The following BCAS3 variants were observed in gnomAD, a reference collection of about 807,000 sequenced individuals.
BCAS3 encodes the protein BCAS3 microtubule associated cell migration factor.
Under a neutral mutation model 116.1 loss-of-function variants are expected in BCAS3, and 53 were observed. The observed-to-expected ratio is 0.46, with a 90% CI of 0.37 to 0.57. The LOEUF (loss-of-function observed/expected upper bound fraction) is 0.57, where lower values mean the gene tolerates loss of function less well. BCAS3 is among the 20% of genes least tolerant of loss of function. The pLI is 0.00. For missense variants in BCAS3, 917 were observed against 1,165.4 expected, an observed-to-expected ratio of 0.79 and a Z score of 3.10; for synonymous variants, 391 against 408.2, an observed-to-expected ratio of 0.96 and a Z score of 0.51.
At position 61,184,514 on chromosome 17, in the gene BCAS3, C is replaced by CA. The variant is rs202023595; in HGVS notation, c.2425+99954dup. 1.2e-3 allele frequency among the ~76,000 whole-genome samples: 185 copies of CA among 152,178 alleles called. 2 individuals carry two copies. In the East Asian group the frequency reaches 0.035, roughly 29 times the overall value. On this transcript the variant is annotated intron_variant, in intron 22 of 23. Coordinates refer to ENST00000407086, the MANE Select transcript of BCAS3 (RefSeq NM_017679.5). ...ACACTGTACATTGTTTTGGGGAATG[C>CA]AAAATGGTATGTCCACTTTTTAAAA...
At chr17:60,822,276 T>G (rs1253635246) in intron 7 of BCAS3, among the ~76,000 whole-genome samples, 1 of 152,212 alleles carries the variant, frequency 6.6e-6, no homozygotes, top group Admixed American at 6.5e-5. Context: ...TAAGTCTTTT[T>G]TATTTTAGCT....
rs1437060731 is a variant in BCAS3 at position 61,118,562 on chromosome 17, C to A, written c.2425+33998C>A. Among the ~76,000 whole-genome samples the A allele has an allele frequency of 6.6e-6, 1 of 152,202 alleles. No homozygotes were observed. The highest frequency in any genetic ancestry group is 2.4e-5 in the African/African-American group (1 of 41,452). On this transcript the variant is annotated intron_variant, in intron 22 of 23. Transcript: ENST00000407086. The surrounding 1 kb of genome is among the most constrained non-coding windows in gnomAD (Gnocchi z 5.0). ...ACACCACCCCTGTGGAGGTGTTGGGCACCTTGTCATAGCCTCTCAAGGGTG... is the reference window on the plus strand; with the variant it reads ...ACACCACCCCTGTGGAGGTGTTGGGAACCTTGTCATAGCCTCTCAAGGGTG...
chr17:60,708,030 A>G (rs73334308), intron 4 of BCAS3, among the ~76,000 whole-genome samples: 10,616 of 152,024 alleles, frequency 0.07, 1,225 homozygotes, highest in African/African-American at 0.24. Context: ...TGTTTTTTAG[A>G]AAAGTGTGTA....
At chr17:60,855,475 G>A (rs555121305) in intron 7 of BCAS3, among the ~76,000 whole-genome samples, 91 of 122,252 alleles carry the variant, frequency 7.4e-4, no homozygotes, top group Admixed American at 1.4e-3. Context: ...TTTTTTTTGA[G>A]GCAGAGTCTT....
chr17:61,218,904 C>A (rs1461621279), intron 22 of BCAS3, among the ~76,000 whole-genome samples: 2 of 152,078 alleles, frequency 1.3e-5, no homozygotes, highest in Admixed American at 6.6e-5. Flanking sequence ...ATAGGAGAAC[C>A]AAAAGAAAGA....
intron 14 of BCAS3, among the ~76,000 whole-genome samples, chr17:60,953,141 T>C (rs1308617665): frequency 6.6e-6 from 1 of 152,104 alleles, no homozygotes; most frequent in Non-Finnish European, 1.5e-5. Context: ...AGGAATGGGA[T>C]TGTGCTGGGT....
chr17:61,039,568 A>G (rs572683404), intron 18 of BCAS3, among the ~76,000 whole-genome samples: 8 of 152,140 alleles, frequency 5.3e-5, no homozygotes, highest in Non-Finnish European at 1.0e-4. Context: ...GACTACAGGC[A>G]CTAGCCACCA....
chr17:60,995,134 T>C lies in BCAS3; in HGVS notation c.1486+4899T>C, dbSNP rs185970086. 1.3e-5 allele frequency among the ~76,000 whole-genome samples: 2 copies of C among 152,080 alleles called. No homozygotes were observed. Among genetic ancestry groups the C allele is most frequent in the Non-Finnish European group, 2.9e-5 (2 of 67,988 alleles). ...CTGGGATTACAGGTGCGTGCCACCATGCCCAGCTAATTCTATTCTATTCTT... is the reference window on the plus strand; with the variant it reads ...CTGGGATTACAGGTGCGTGCCACCACGCCCAGCTAATTCTATTCTATTCTT... On this transcript the variant is annotated intron_variant, in intron 15 of 23. Coordinates refer to ENST00000407086, the MANE Select transcript of BCAS3 (RefSeq NM_017679.5). This position sits in a 1 kb window ranked among gnomAD's most constrained non-coding sequence, Gnocchi z 4.7.
intron 22 of BCAS3, among the ~76,000 whole-genome samples, chr17:61,157,017 T>C (rs1311004212): frequency 6.6e-6 from 1 of 152,186 alleles, no homozygotes; most frequent in Non-Finnish European, 1.5e-5. Context: ...AAAAAGCAAA[T>C]GTGGTTAATC....
At chr17:61,268,590 T>C (rs1436805639) in intron 22 of BCAS3, among the ~76,000 whole-genome samples, 2 of 152,086 alleles carry the variant, frequency 1.3e-5, no homozygotes, top group Non-Finnish European at 2.9e-5. Flanking sequence ...TTTTTGTTTT[T>C]TTTGTTTTTT....
chr17:60,726,346 A>G (rs796439551), intron 5 of BCAS3, among the ~76,000 whole-genome samples: 8 of 141,492 alleles, frequency 5.7e-5, no homozygotes, highest in African/African-American at 2.1e-4. Flanking sequence ...GATTACAGGC[A>G]TGCACCACCA....
In BCAS3 at chr17:61,198,904, A is replaced by G. The variant is rs1005032354; in HGVS notation, c.2425+114340A>G. Among the ~76,000 whole-genome samples, 8 of 152,230 alleles carry G rather than the reference A, an allele frequency of 5.3e-5. No individual in the cohort carries two copies. Among genetic ancestry groups the G allele is most frequent in the Admixed American group, 3.3e-4 (5 of 15,284 alleles). On this transcript the variant is annotated intron_variant, in intron 22 of 23. Coordinates refer to ENST00000407086, the MANE Select transcript of BCAS3 (RefSeq NM_017679.5). This position sits in a 1 kb window ranked among gnomAD's most constrained non-coding sequence, Gnocchi z 5.0. ...GGTACATGTTTCTAAAGCTTTTAAG[A>G]TAATGATACTTAGAAATCACTGATT...
At chr17:61,269,609 ATTTG>A (rs1279181582) in intron 22 of BCAS3, among the ~76,000 whole-genome samples, 1 of 151,944 alleles carries the variant, frequency 6.6e-6, no homozygotes, top group Non-Finnish European at 1.5e-5. Context: ...TCTCTGTTAC[ATTTG>A]TTTGTCTGTT....
chr17:61,221,991 C>A (rs1051528194), intron 22 of BCAS3, among the ~76,000 whole-genome samples: 8 of 152,186 alleles, frequency 5.3e-5, no homozygotes, highest in Admixed American at 2.6e-4. Context: ...CAGTACCTGG[C>A]ACACGGTGAC....
intron 7 of BCAS3, among the ~76,000 whole-genome samples, chr17:60,818,808 AG>A (rs1391348029): frequency 6.6e-6 from 1 of 152,154 alleles, no homozygotes; most frequent in Non-Finnish European, 1.5e-5. Flanking sequence ...TACTGCTCAA[AG>A]AAAGAGCTTT....
rs962588010 is a variant in BCAS3, at chr17:61,122,715, C to CA, written c.2425+38157dup. Reference sequence around the variant, plus strand: ...CACATGCTGAATTTTCCCACATAGACAAAAAACAAAACAAAACAAAAAACC... The same window carrying CA: ...CACATGCTGAATTTTCCCACATAGACAAAAAAACAAAACAAAACAAAAAACC... On this transcript the variant is annotated intron_variant, in intron 22 of 23. Transcript: ENST00000407086. The surrounding 1 kb of genome is among the most constrained non-coding windows in gnomAD (Gnocchi z 4.6). Among the ~76,000 whole-genome samples the CA allele has an allele frequency of 2.6e-5, 4 of 151,648 alleles. No homozygotes were observed. The highest frequency in any genetic ancestry group is 5.9e-5 in the Non-Finnish European group (4 of 67,914).
At chr17:60,782,118 T>A (rs1044815475) in intron 6 of BCAS3, among the ~76,000 whole-genome samples, 3 of 152,194 alleles carry the variant, frequency 2.0e-5, no homozygotes, top group African/African-American at 7.2e-5. Context: ...GATGACCACA[T>A]ATGAGGAGTC....
chr17:61,035,801 A>G (rs2066982678), intron 17 of BCAS3, among the ~76,000 whole-genome samples: 1 of 152,178 alleles, frequency 6.6e-6, no homozygotes, highest in African/African-American at 2.4e-5. Context: ...GTACTATGGG[A>G]CTAATGGGTT....
chr17:61,320,257 T>C (rs1040081147), intron 22 of BCAS3, among the ~76,000 whole-genome samples: 1 of 152,134 alleles, frequency 6.6e-6, no homozygotes, highest in African/African-American at 2.4e-5. Flanking sequence ...CAAGTCTCTT[T>C]TACTCCAAAG....
Sources: gnomAD v4.1 joint callset for allele counts (sites outside exome capture counted in the v4.1 genomes callset) on GRCh38, gnomAD v4.1.1 for gene constraint, Gnocchi (gnomAD v3.1) non-coding constraint, MANE v1.5 for transcripts, NCBI Gene and HGNC (gene_info 2026-07-23, HGNC 2026-07-21) for gene names.